NFIX: variants seen among roughly 807,000 people sequenced by gnomAD.
NFIX encodes the protein nuclear factor 1 X-type.
In NFIX, 2 loss-of-function variants were observed where a neutral mutation model predicts 53.3. The ratio of observed to expected loss-of-function variants is 0.04; its 90% confidence interval spans 0.02 to 0.12. The LOEUF (loss-of-function observed/expected upper bound fraction) is 0.12. Among genes scored for constraint, NFIX ranks in the 10% least tolerant of loss-of-function variants. The pLI, the probability that NFIX is intolerant of heterozygous loss-of-function variation, is 1.00. For missense variants in NFIX, 310 were observed against 674.5 expected, an observed-to-expected ratio of 0.46 and a Z score of 5.99; for synonymous variants, 244 against 289.0, an observed-to-expected ratio of 0.84 and a Z score of 1.58.
At chr19:13,057,714 G>A (rs2015799332) in intron 2 of NFIX, among the ~76,000 whole-genome samples, 1 of 152,220 alleles carries the variant, frequency 6.6e-6, no homozygotes, top group Non-Finnish European at 1.5e-5. Context: ...AGACCCCTGA[G>A]TGTGTACACT....
intron 1 of NFIX, among the ~76,000 whole-genome samples, chr19:12,997,521 G>T (rs945875617): frequency 6.6e-6 from 1 of 152,192 alleles, no homozygotes; most frequent in African/African-American, 2.4e-5. Context: ...CCAGTTCCAC[G>T]GCCACTCCAT....
intron 8 of NFIX, among the ~76,000 whole-genome samples, chr19:13,087,542 C>T (rs1250052292): frequency 2.0e-5 from 3 of 152,016 alleles, no homozygotes; most frequent in Admixed American, 2.0e-4. Context: ...ACCAGCTCAG[C>T]CCGACAGCCC....
rs574394488 is a variant in NFIX at position 13,013,348 on chromosome 19, G to C, written c.28-11673G>C. On this transcript the variant is annotated intron_variant, in intron 1 of 10. Transcript: ENST00000592199. This position sits in a 1 kb window ranked among gnomAD's most constrained non-coding sequence, Gnocchi z 5.9. ...CCCCTGGAGCCAGAGCAGCCCCCGAGCATTCAGAGAAAGCCGCCCGTCCCC... is the reference window on the plus strand; with the variant it reads ...CCCCTGGAGCCAGAGCAGCCCCCGACCATTCAGAGAAAGCCGCCCGTCCCC... Among the ~76,000 whole-genome samples, 7 of 152,290 alleles carry C rather than the reference G, an allele frequency of 4.6e-5. No homozygotes were observed. The South Asian group carries it at 1.5e-3, about 32-fold the overall frequency.
rs545050308 is a variant in NFIX at position 13,028,414 on chromosome 19, A to G, written c.559+2862A>G. ...GACAGTAACGGTGATGTGGTGGTAA[A>G]TGTGGGGGTGTGGCTTTGCTCCCAG... is the stretch of plus-strand genomic sequence containing the variant. On this transcript the variant is annotated intron_variant, in intron 2 of 10. Transcript: ENST00000592199. The surrounding 1 kb of genome is among the most constrained non-coding windows in gnomAD (Gnocchi z 4.2). 5.3e-4 allele frequency among the ~76,000 whole-genome samples: 80 copies of G among 152,240 alleles called. No homozygotes were observed. The highest frequency in any genetic ancestry group is 1.9e-3 in the African/African-American group (80 of 41,554).
At chr19:13,035,699 C>T (rs1295762826) in intron 2 of NFIX, among the ~76,000 whole-genome samples, 2 of 152,188 alleles carry the variant, frequency 1.3e-5, no homozygotes, top group African/African-American at 2.4e-5. Context: ...TGTCCTGTGC[C>T]TGAGACAACT....
intron 5 of NFIX, among the ~76,000 whole-genome samples, chr19:13,075,116 G>C (rs1466171621): frequency 6.9e-6 from 1 of 144,118 alleles, no homozygotes; most frequent in Non-Finnish European, 1.5e-5. Context: ...TTATATTGAT[G>C]ACTGAGTTTT....
chr19:13,026,380 CAA>C (rs764058826), intron 2 of NFIX, among the ~76,000 whole-genome samples: 2 of 128,954 alleles, frequency 1.6e-5, no homozygotes, highest in Admixed American at 7.8e-5. Flanking sequence ...ACAAACAAAC[CAA>C]AAAAAAAAAA....
At chr19:13,003,278 G>A (rs2011822429) in intron 1 of NFIX, among the ~76,000 whole-genome samples, 2 of 151,986 alleles carry the variant, frequency 1.3e-5, no homozygotes, top group Admixed American at 6.5e-5. Context: ...TGAGGCACCC[G>A]GCCACACCCG....
Position 13,037,677 on chromosome 19 carries a change from C to T in NFIX, c.559+12125C>T, listed in dbSNP as rs1320204328. Among the ~76,000 whole-genome samples, 1 of 152,186 alleles carries T rather than the reference C, an allele frequency of 6.6e-6. No homozygotes were observed. Among genetic ancestry groups the T allele is most frequent in the East Asian group, 1.9e-4 (1 of 5,194 alleles). Reference sequence around the variant, plus strand: ...TGCTCAGAGTTTCACAGCCCCTCACCTCGGTAAACCCCTCAGTCTCCAGCA... The same window carrying T: ...TGCTCAGAGTTTCACAGCCCCTCACTTCGGTAAACCCCTCAGTCTCCAGCA... On this transcript the variant is annotated intron_variant, in intron 2 of 10. Coordinates refer to ENST00000592199, the MANE Select transcript of NFIX (RefSeq NM_001365902.3). This position sits in a 1 kb window ranked among gnomAD's most constrained non-coding sequence, Gnocchi z 4.2.
chr19:13,043,569 C>T lies in NFIX; in HGVS notation c.559+18017C>T, dbSNP rs573650657. ...TGGGGCTGCCAAGGTCGCACATGTCCTCCCAGGACTTGAAGGGGGACCAGG... is the reference window on the plus strand; with the variant it reads ...TGGGGCTGCCAAGGTCGCACATGTCTTCCCAGGACTTGAAGGGGGACCAGG... On this transcript the variant is annotated intron_variant, in intron 2 of 10. Transcript: ENST00000592199. This position sits in a 1 kb window ranked among gnomAD's most constrained non-coding sequence, Gnocchi z 4.0. 1.8e-4 allele frequency among the ~76,000 whole-genome samples: 28 copies of T among 152,376 alleles called. No homozygotes were observed. The highest frequency in any genetic ancestry group is 6.7e-4 in the African/African-American group (28 of 41,584).
At position 13,073,130 on chromosome 19, in the gene NFIX, C is replaced by A; in HGVS notation, c.622+21C>A. The A allele has an allele frequency of 6.2e-7, 1 of 1,613,296 alleles. No individual in the cohort carries two copies. The highest frequency in any genetic ancestry group is 8.5e-7 in the Non-Finnish European group (1 of 1,179,228). Reference sequence around the variant, plus strand: ...CAACGGTCAGTGCCCCCCACCTGCCCAGCTGCCCTTATCCTTCATGCCCCT... The same window carrying A: ...CAACGGTCAGTGCCCCCCACCTGCCAAGCTGCCCTTATCCTTCATGCCCCT... On this transcript the variant is annotated intron_variant, in intron 3 of 10. Transcript: ENST00000592199. This position sits in a 1 kb window ranked among gnomAD's most constrained non-coding sequence, Gnocchi z 4.5.
In NFIX at chr19:13,023,287, C is replaced by T. The variant is rs995840837; in HGVS notation, c.28-1734C>T. On this transcript the variant is annotated intron_variant, in intron 1 of 10. Transcript: ENST00000592199. ...ACACACGCCCCATCCCATCCACGTCCTCCCTCGATCCTCGATCTCTCCCTC... is the reference window on the plus strand; with the variant it reads ...ACACACGCCCCATCCCATCCACGTCTTCCCTCGATCCTCGATCTCTCCCTC... Among the ~76,000 whole-genome samples the T allele has an allele frequency of 4.6e-5, 7 of 151,924 alleles. 1 individual carries two copies. Among genetic ancestry groups the T allele is most frequent in the African/African-American group, 1.7e-4 (7 of 41,358 alleles).
chr19:13,004,009 A>C (rs1332935806), intron 1 of NFIX, among the ~76,000 whole-genome samples: 1 of 152,136 alleles, frequency 6.6e-6, no homozygotes. Flanking sequence ...TCCTGGGCTC[A>C]GGTGATCCTC....
At chr19:13,015,472 C>A (rs1312107680) in intron 1 of NFIX, among the ~76,000 whole-genome samples, 1 of 152,118 alleles carries the variant, frequency 6.6e-6, no homozygotes, top group African/African-American at 2.4e-5. Context: ...CCATTCTACT[C>A]CCCTCACCTT....
chr19:13,041,410 A>T (rs1236129667), intron 2 of NFIX, among the ~76,000 whole-genome samples: 4 of 152,240 alleles, frequency 2.6e-5, no homozygotes, highest in Non-Finnish European at 5.9e-5. Flanking sequence ...AATAACTGCT[A>T]TTAACTTTTG....
chr19:13,045,827 C>G lies in NFIX; in HGVS notation c.559+20275C>G, dbSNP rs1054354088. ...GGAGAATTTGCTCTTGCCCACCTCTCCATGTCCTCGTTGCCGACTGAGGCA... is the reference window on the plus strand; with the variant it reads ...GGAGAATTTGCTCTTGCCCACCTCTGCATGTCCTCGTTGCCGACTGAGGCA... On this transcript the variant is annotated intron_variant, in intron 2 of 10. Coordinates refer to ENST00000592199, the MANE Select transcript of NFIX (RefSeq NM_001365902.3). This position sits in a 1 kb window ranked among gnomAD's most constrained non-coding sequence, Gnocchi z 4.4. Among the ~76,000 whole-genome samples, 5 of 152,348 alleles carry G rather than the reference C, an allele frequency of 3.3e-5. No homozygotes were observed. The highest frequency in any genetic ancestry group is 6.5e-5 in the Admixed American group (1 of 15,310).
rs2012446227 is a variant in NFIX, at chr19:13,012,934, C to G, written c.28-12087C>G. Among the ~76,000 whole-genome samples the G allele has an allele frequency of 6.7e-6, 1 of 148,490 alleles. No homozygotes were observed. The highest frequency in any genetic ancestry group is 6.7e-5 in the Admixed American group (1 of 14,860). ...AATTTACCAGGGGAGATTTTTGTTT[C>G]CAGGGTTGGCTGGGTTTGGGGGATT... On this transcript the variant is annotated intron_variant, in intron 1 of 10. Coordinates refer to ENST00000592199, the MANE Select transcript of NFIX (RefSeq NM_001365902.3). The surrounding 1 kb of genome is among the most constrained non-coding windows in gnomAD (Gnocchi z 5.0).
At position 12,995,798 on chromosome 19, in the gene NFIX, G is replaced by A. The variant is rs1423043967; in HGVS notation, c.-40G>A. On this transcript the variant is annotated 5_prime_UTR_variant, in exon 1 of 11. Transcript: ENST00000592199. ...GCCGCCGCCTGCCGGGCCTCCCCTC[G>A]CCGCGGCCGGCCGCCGCGCTCCCGC... 5 of 967,182 alleles carry A rather than the reference G, an allele frequency of 5.2e-6. No homozygotes were observed. Among genetic ancestry groups the A allele is most frequent in the Non-Finnish European group, 6.1e-6 (5 of 815,062 alleles). The allele number at this position is 967,182 out of a possible 1,614,324, so 59.9% of individuals were successfully genotyped here. A position where few individuals can be genotyped will look rare whatever the true frequency, so the allele number is the denominator to read the frequency against.
intron 2 of NFIX, among the ~76,000 whole-genome samples, chr19:13,061,578 G>C (rs994617023): frequency 2.0e-5 from 3 of 152,298 alleles, no homozygotes; most frequent in Middle Eastern, 3.4e-3. Flanking sequence ...GCAGCGCTTC[G>C]CTCCCTGAAC....
Sources: allele counts gnomAD v4.1 joint callset (sites outside exome capture counted in the v4.1 genomes callset), GRCh38; gene constraint gnomAD v4.1.1; non-coding constraint Gnocchi (gnomAD v3.1); transcripts MANE v1.5; gene names NCBI Gene and HGNC (gene_info 2026-07-23, HGNC 2026-07-21).